HS6ST2: variants seen among roughly 807,000 people sequenced by gnomAD.
The protein encoded by HS6ST2 is heparan-sulfate 6-O-sulfotransferase 2.
In HS6ST2, 17 loss-of-function variants were observed where a neutral mutation model predicts 33.0. The ratio of observed to expected loss-of-function variants is 0.52; its 90% CI spans 0.35 to 0.77. The LOEUF (loss-of-function observed/expected upper bound fraction) is 0.77. Among genes scored for constraint, HS6ST2 ranks in the 30% least tolerant of loss-of-function variants. HS6ST2 has a pLI of 0.01. For synonymous variants in HS6ST2, 248 were observed against 237.1 expected, an observed-to-expected ratio of 1.05 and a Z score of -0.42; for missense variants, 519 against 551.7, an observed-to-expected ratio of 0.94 and a Z score of 0.59.
At chrX:132,884,377 T>G (rs2066223203) in intron 2 of HS6ST2, among the ~76,000 whole-genome samples, 1 of 111,870 alleles carries the variant, frequency 8.9e-6, no homozygotes, top group African/African-American at 3.2e-5. Context: ...AATCTGCAGA[T>G]GTTATGATGT....
At chrX:132,683,428 G>A (rs1460611704) in intron 3 of HS6ST2, among the ~76,000 whole-genome samples, 1 of 111,747 alleles carries the variant, frequency 8.9e-6, no homozygotes, top group Non-Finnish European at 1.9e-5. Context: ...ATAGAACAGA[G>A]GCAATTTTTA....
At chrX:132,824,807 T>C (rs748722769) in intron 2 of HS6ST2, among the ~76,000 whole-genome samples, 4 of 112,614 alleles carry the variant, frequency 3.6e-5, no homozygotes, top group South Asian at 3.7e-4. Context: ...TTTATTATAT[T>C]CAGCAGGGTC....
chrX:132,751,398 T>A (rs1220380132), intron 2 of HS6ST2, among the ~76,000 whole-genome samples: 1 of 111,790 alleles, frequency 8.9e-6, no homozygotes, highest in East Asian at 2.8e-4. Flanking sequence ...CTAAACTCCA[T>A]CAGCACATTC....
intron 4 of HS6ST2, among the ~76,000 whole-genome samples, chrX:132,658,215 G>A (rs1045467354): frequency 1.8e-5 from 2 of 111,496 alleles, no homozygotes; most frequent in Admixed American, 9.5e-5. Context: ...CAATATTTGG[G>A]TATGGGCAAC....
chrX:132,722,231 A>C (rs1237333911), intron 2 of HS6ST2, among the ~76,000 whole-genome samples: 1 of 109,876 alleles, frequency 9.1e-6, no homozygotes, highest in Non-Finnish European at 1.9e-5. Context: ...ACAAGAGCAA[A>C]CCAAACCCAA....
chrX:132,902,897 C>G (rs898633581), intron 2 of HS6ST2, among the ~76,000 whole-genome samples: 1 of 111,696 alleles, frequency 9.0e-6, no homozygotes, highest in Non-Finnish European at 1.9e-5. Context: ...AGAAACAAGA[C>G]AAGGATAATT....
chrX:132,798,749 A>G (rs2065209234), intron 2 of HS6ST2, among the ~76,000 whole-genome samples: 1 of 112,009 alleles, frequency 8.9e-6, no homozygotes, highest in Non-Finnish European at 1.9e-5. Flanking sequence ...CAAGGTGGAA[A>G]AGACTCCAGA....
At chrX:132,884,703 G>A (rs962132569) in intron 2 of HS6ST2, among the ~76,000 whole-genome samples, 8 of 111,561 alleles carry the variant, frequency 7.2e-5, no homozygotes, top group Non-Finnish European at 1.5e-4. Context: ...TAAGAAGAAT[G>A]ATGGGAAGTG....
intron 2 of HS6ST2, among the ~76,000 whole-genome samples, chrX:132,905,145 C>T (rs1470914607): frequency 9.0e-6 from 1 of 111,618 alleles, no homozygotes; most frequent in Non-Finnish European, 1.9e-5. Context: ...TGTTGTAATG[C>T]TTTTGCAAAT....
At chrX:132,700,404 G>A (rs1173605748) in intron 3 of HS6ST2, among the ~76,000 whole-genome samples, 1 of 110,383 alleles carries the variant, frequency 9.1e-6, no homozygotes, top group Non-Finnish European at 1.9e-5. Flanking sequence ...TTTCTGAGGT[G>A]CAATTTTAAG....
intron 4 of HS6ST2, among the ~76,000 whole-genome samples, chrX:132,645,684 G>A (rs1274459233): frequency 8.9e-6 from 1 of 112,132 alleles, no homozygotes; most frequent in African/African-American, 3.2e-5. Context: ...ATTTTTGGGA[G>A]ACTGGCATTG....
intron 3 of HS6ST2, among the ~76,000 whole-genome samples, chrX:132,670,090 T>C (rs1325513738): frequency 3.8e-5 from 4 of 105,970 alleles, no homozygotes; most frequent in Non-Finnish European, 5.7e-5. Context: ...CCTGATTTCA[T>C]CAGGAAGATT....
chrX:132,721,044 G>A (rs2064323245), intron 2 of HS6ST2, among the ~76,000 whole-genome samples: 1 of 111,585 alleles, frequency 9.0e-6, no homozygotes, highest in Non-Finnish European at 1.9e-5. Flanking sequence ...CCAAGAAAGA[G>A]ACACCAGACT....
intron 4 of HS6ST2, among the ~76,000 whole-genome samples, chrX:132,655,796 G>T (rs902209562): frequency 8.1e-5 from 9 of 111,382 alleles, no homozygotes; most frequent in South Asian, 3.8e-4. Flanking sequence ...ATTGTTTATA[G>T]GGTTATATAA....
chrX:132,921,368 G>A (rs1032401708), intron 2 of HS6ST2, among the ~76,000 whole-genome samples: 1 of 112,343 alleles, frequency 8.9e-6, no homozygotes, highest in African/African-American at 3.2e-5. Flanking sequence ...AGTTTGAAAA[G>A]TGCTGGTTTG....
intron 3 of HS6ST2, among the ~76,000 whole-genome samples, chrX:132,690,810 T>G (rs2064058205): frequency 8.9e-6 from 1 of 111,847 alleles, no homozygotes; most frequent in Non-Finnish European, 1.9e-5. Flanking sequence ...AGTGAAACCT[T>G]TCTCAGCCCT....
At chrX:132,945,965 G>A (rs191153644) in intron 2 of HS6ST2, among the ~76,000 whole-genome samples, 26 of 110,980 alleles carry the variant, frequency 2.3e-4, no homozygotes, top group African/African-American at 1.6e-4. Context: ...AAACCTGCAC[G>A]TTGTGCACAT....
intron 2 of HS6ST2, among the ~76,000 whole-genome samples, chrX:132,896,863 T>C (rs764566471): frequency 8.9e-6 from 1 of 111,873 alleles, no homozygotes; most frequent in Non-Finnish European, 1.9e-5. Flanking sequence ...AATATAGGGG[T>C]GCTATGTCAT....
intron 2 of HS6ST2, among the ~76,000 whole-genome samples, chrX:132,897,681 T>A (rs1268820466): frequency 9.0e-6 from 1 of 111,267 alleles, no homozygotes; most frequent in Non-Finnish European, 1.9e-5. Flanking sequence ...GCTCCAGGAA[T>A]AGGGGACATA....
Sources: allele counts gnomAD v4.1 joint callset (sites outside exome capture counted in the v4.1 genomes callset), GRCh38; gene constraint gnomAD v4.1.1; transcripts MANE v1.5; gene names NCBI Gene and HGNC (gene_info 2026-07-23, HGNC 2026-07-21).